Variants in CENPP observed in about 807,000 individuals in gnomAD.
CENPP encodes centromere protein P.
A neutral mutation model predicts 35.6 loss-of-function variants in CENPP; 24 were observed. The observed-to-expected ratio is 0.67, with a 90% CI of 0.49 to 0.95. The LOEUF (loss-of-function observed/expected upper bound fraction) is 0.95. Ranked by LOEUF, CENPP falls within the 40% of genes least tolerant of loss-of-function variation. The pLI, the probability that CENPP is intolerant of heterozygous loss-of-function variation, is 0.00. For missense variants in CENPP, 332 were observed against 345.3 expected, an observed-to-expected ratio of 0.96 and a Z score of 0.31; for synonymous variants, 120 against 125.5, an observed-to-expected ratio of 0.96 and a Z score of 0.29.
At chr9:92,389,143 G>T (rs561132435) in intron 5 of CENPP, among the ~76,000 whole-genome samples, 1 of 152,090 alleles carries the variant, frequency 6.6e-6, no homozygotes, top group Non-Finnish European at 1.5e-5. Flanking sequence ...ATGAGATTAT[G>T]TCTGTTACCA....
At chr9:92,563,143 AC>A (rs777555502) in intron 5 of CENPP, among the ~76,000 whole-genome samples, 18 of 152,162 alleles carry the variant, frequency 1.2e-4, no homozygotes, top group Non-Finnish European at 2.6e-4. Flanking sequence ...GAAATGACTG[AC>A]TTTTCTTTTA....
At chr9:92,605,106 A>G (rs1257843085) in intron 5 of CENPP, among the ~76,000 whole-genome samples, 1 of 151,954 alleles carries the variant, frequency 6.6e-6, no homozygotes, top group Non-Finnish European at 1.5e-5. Flanking sequence ...TCAGCCCCTC[A>G]AGTAGCTGGA....
rs577679346 is a variant in CENPP, at chr9:92,507,293, A to G, written c.565-104021A>G. On this transcript the variant is annotated intron_variant, in intron 5 of 7. Coordinates refer to ENST00000375587, the MANE Select transcript of CENPP (RefSeq NM_001012267.3). ...CATATTCTCTTTCATTTCCAAAACT[A>G]AAGGTACTGAGAATCTGACATCTTT... Among the ~76,000 whole-genome samples, 19 of 152,366 alleles carry G rather than the reference A, an allele frequency of 1.2e-4. No homozygotes were observed. The South Asian group carries it at 2.3e-3, about 18-fold the overall frequency.
chr9:92,432,076 A>G (rs1374504715), intron 5 of CENPP, among the ~76,000 whole-genome samples: 2 of 152,118 alleles, frequency 1.3e-5, no homozygotes, highest in Non-Finnish European at 2.9e-5. Context: ...TGTAATCCCA[A>G]CACTTTGGGA....
At chr9:92,439,258 T>C (rs7045409) in intron 5 of CENPP, among the ~76,000 whole-genome samples, 2 of 151,972 alleles carry the variant, frequency 1.3e-5, no homozygotes, top group Admixed American at 1.3e-4. Context: ...CCTGGCTTTC[T>C]TGTCTTTATT....
chr9:92,510,298 A>G lies in CENPP; in HGVS notation c.565-101016A>G, dbSNP rs1259595697. Among the ~76,000 whole-genome samples, 4 of 152,242 alleles carry G rather than the reference A, an allele frequency of 2.6e-5. No individual in the cohort carries two copies. The East Asian group carries it at 7.7e-4, about 29-fold the overall frequency. ...CCACGTTTATATTGCAGCTTTAGAAAGTGAGAGAAAGCTGCCATAACTACT... is the reference window on the plus strand; with the variant it reads ...CCACGTTTATATTGCAGCTTTAGAAGGTGAGAGAAAGCTGCCATAACTACT... On this transcript the variant is annotated intron_variant, in intron 5 of 7. Transcript: ENST00000375587.
At chr9:92,364,667 C>T (rs1841842676) in intron 4 of CENPP, among the ~76,000 whole-genome samples, 1 of 152,096 alleles carries the variant, frequency 6.6e-6, no homozygotes, top group East Asian at 1.9e-4. Context: ...TAAATAAATA[C>T]ATATATGTTA....
chr9:92,442,412 AAAAAG>A (rs1844426876), intron 5 of CENPP, among the ~76,000 whole-genome samples: 1 of 133,618 alleles, frequency 7.5e-6, no homozygotes, highest in African/African-American at 2.5e-5. Context: ...AAAAAAAAAA[AAAAAG>A]AAAAAACAAA....
chr9:92,496,567 A>G, intron 5 of CENPP: 11 of 1,527,180 alleles, frequency 7.2e-6, no homozygotes, highest in Non-Finnish European at 9.6e-6. Flanking sequence ...TGTTAAAAAA[A>G]TTTTGTTCTT....
At chr9:92,357,557 C>T (rs1009379647) in intron 4 of CENPP, among the ~76,000 whole-genome samples, 9 of 151,496 alleles carry the variant, frequency 5.9e-5, no homozygotes, top group Admixed American at 2.6e-4. Context: ...TTCAATGGCG[C>T]GATCTCAGCT....
At chr9:92,454,916 T>G (rs905708150) in intron 5 of CENPP, among the ~76,000 whole-genome samples, 4 of 152,176 alleles carry the variant, frequency 2.6e-5, no homozygotes, top group African/African-American at 9.7e-5. Flanking sequence ...ACCATGGTCT[T>G]CCCTCTTTTT....
chr9:92,573,844 C>T (rs1588288015), intron 5 of CENPP, among the ~76,000 whole-genome samples: 1 of 152,254 alleles, frequency 6.6e-6, no homozygotes, highest in East Asian at 1.9e-4. Context: ...AGTTGGATCT[C>T]AGACTGCTGT....
intron 4 of CENPP, among the ~76,000 whole-genome samples, chr9:92,357,853 A>AT (rs34111227): frequency 6.6e-4 from 98 of 149,562 alleles, no homozygotes; most frequent in South Asian, 1.3e-3. Flanking sequence ...TGGTTGACAG[A>AT]TTTTTTTTTT....
intron 4 of CENPP, among the ~76,000 whole-genome samples, chr9:92,364,124 A>C (rs1040211441): frequency 6.6e-6 from 1 of 151,920 alleles, no homozygotes; most frequent in South Asian, 2.1e-4. Context: ...TGCTGGGATT[A>C]TAGGCATGAG....
chr9:92,474,039 A>G (rs1212428054), intron 5 of CENPP, among the ~76,000 whole-genome samples: 1 of 152,244 alleles, frequency 6.6e-6, no homozygotes, highest in Non-Finnish European at 1.5e-5. Context: ...CCCGTCCTTG[A>G]ACGGGACATG....
intron 5 of CENPP, among the ~76,000 whole-genome samples, chr9:92,562,085 T>A (rs962591266): frequency 4.6e-5 from 7 of 152,302 alleles, no homozygotes; most frequent in Non-Finnish European, 1.0e-4. Context: ...CTGAATTTGG[T>A]AACAGATCAC....
intron 5 of CENPP, among the ~76,000 whole-genome samples, chr9:92,408,299 C>A (rs1301437079): frequency 1.2e-4 from 18 of 152,184 alleles, no homozygotes; most frequent in Admixed American, 1.2e-3. Flanking sequence ...AATTCTTCTG[C>A]CTCAGCCTCC....
At chr9:92,402,139 T>C (rs1843140760) in intron 5 of CENPP, among the ~76,000 whole-genome samples, 1 of 152,224 alleles carries the variant, frequency 6.6e-6, no homozygotes, top group African/African-American at 2.4e-5. Context: ...GGAATCTTAA[T>C]AGATTCAAAT....
chr9:92,456,196 G>A (rs1844871400), intron 5 of CENPP: 1 of 152,092 alleles, frequency 6.6e-6, no homozygotes, highest in Non-Finnish European at 1.5e-5. Flanking sequence ...TAACATCAAA[G>A]CACAAATATT....
Sources: gnomAD v4.1 joint callset for allele counts (sites outside exome capture counted in the v4.1 genomes callset) on GRCh38, gnomAD v4.1.1 for gene constraint, MANE v1.5 for transcripts, NCBI Gene and HGNC (gene_info 2026-07-23, HGNC 2026-07-21) for gene names.